The following MTUS2 variants were observed in gnomAD, a reference collection of about 807,000 sequenced individuals.
The protein encoded by MTUS2 is microtubule associated scaffold protein 2.
Under a neutral mutation model 114.1 loss-of-function variants are expected in MTUS2, and 40 were observed. That is an observed-to-expected ratio of 0.35 (90% CI 0.27 to 0.46). The LOEUF is 0.46. MTUS2 is among the 20% of genes least tolerant of loss of function. The pLI is 1.00. For synonymous variants in MTUS2, 688 were observed against 672.0 expected (o/e 1.02, Z -0.37); for missense variants, 1,679 against 1,705.4 (o/e 0.98, Z 0.27).
At chr13:28,916,055 CT>C (rs1423809315) in intron 2 of MTUS2, among the ~76,000 whole-genome samples, 12 of 151,538 alleles carry the variant, frequency 7.9e-5, no homozygotes, top group African/African-American at 1.9e-4. Context: ...TGAAAAAAAA[CT>C]TTTTTCCCCC....
chr13:28,985,560 CTTT>C lies in MTUS2; in HGVS notation c.-242-38883_-242-38881del, dbSNP rs34218047. ...TTTTAGCAATCGAAGAAATGGTATT[CTTT>C]TTTTTTTTTTTTTAAAAAGCTTTAT... On this transcript the variant is annotated intron_variant, in intron 2 of 15. Coordinates refer to ENST00000612955, the MANE Select transcript of MTUS2 (RefSeq NM_001033602.4). Among the ~76,000 whole-genome samples the C allele has an allele frequency of 7.9e-3, 1,131 of 142,414 alleles. 11 individuals carry two copies. The highest frequency in any genetic ancestry group is 0.02 in the African/African-American group (775 of 39,438). The allele number at this position is 142,414 out of a possible 152,430, so 93.4% of individuals were successfully genotyped here. A position where few individuals can be genotyped will look rare whatever the true frequency, so the allele number is the denominator to read the frequency against.
intron 6 of MTUS2, among the ~76,000 whole-genome samples, chr13:29,303,125 A>G (rs1052481862): frequency 2.6e-5 from 4 of 152,264 alleles, no homozygotes; most frequent in African/African-American, 9.6e-5. Flanking sequence ...TCAACAAAAA[A>G]GACCCCACAA....
At chr13:29,205,398 C>T (rs993856855) in intron 5 of MTUS2, among the ~76,000 whole-genome samples, 15 of 151,596 alleles carry the variant, frequency 9.9e-5, no homozygotes, top group African/African-American at 2.7e-4. Context: ...TCTCTCTTTT[C>T]GCTTTTGTTT....
intron 2 of MTUS2, among the ~76,000 whole-genome samples, chr13:28,913,542 G>A (rs912246471): frequency 2.0e-5 from 3 of 151,958 alleles, no homozygotes; most frequent in African/African-American, 7.2e-5. Context: ...TTTTTGCAGC[G>A]ATATTCATCA....
chr13:28,893,709 T>C (rs1224028187), intron 2 of MTUS2, among the ~76,000 whole-genome samples: 1 of 152,198 alleles, frequency 6.6e-6, no homozygotes, highest in African/African-American at 2.4e-5. Context: ...AGAAGCAACA[T>C]TGAGATACCC....
chr13:29,175,023 T>C (rs779594692), intron 5 of MTUS2, among the ~76,000 whole-genome samples: 5 of 152,184 alleles, frequency 3.3e-5, no homozygotes, highest in Admixed American at 6.5e-5. Context: ...AATGAATAGC[T>C]TGAATCTAAG....
At chr13:29,356,256 C>T (rs1869731908) in intron 7 of MTUS2, among the ~76,000 whole-genome samples, 1 of 152,166 alleles carries the variant, frequency 6.6e-6, no homozygotes. Flanking sequence ...TGGGTCACCA[C>T]CACACCAACA....
At chr13:29,404,232 T>C (rs1488007795) in intron 8 of MTUS2, among the ~76,000 whole-genome samples, 1 of 150,730 alleles carries the variant, frequency 6.6e-6, no homozygotes, top group Non-Finnish European at 1.5e-5. Context: ...GTGCCTGTAG[T>C]CCCAGCTACT....
chr13:28,981,609 C>T (rs1314574110), intron 2 of MTUS2, among the ~76,000 whole-genome samples: 1 of 152,168 alleles, frequency 6.6e-6, no homozygotes, highest in East Asian at 1.9e-4. Flanking sequence ...GTAGAGTTCC[C>T]AGTATTGTTT....
intron 2 of MTUS2, among the ~76,000 whole-genome samples, chr13:28,915,743 G>T (rs879925531): frequency 1.3e-5 from 2 of 151,708 alleles, no homozygotes; most frequent in Admixed American, 6.6e-5. Context: ...CTCCGATTTT[G>T]TGGGTTCTCT....
intron 8 of MTUS2, among the ~76,000 whole-genome samples, chr13:29,409,360 T>C (rs1875042066): frequency 6.6e-6 from 1 of 152,184 alleles, no homozygotes; most frequent in Non-Finnish European, 1.5e-5. Context: ...GTATAGTTAT[T>C]ATTATCTTTA....
intron 2 of MTUS2, among the ~76,000 whole-genome samples, chr13:28,890,167 A>ACTCT (rs1224956707): frequency 6.6e-6 from 1 of 152,222 alleles, no homozygotes; most frequent in Non-Finnish European, 1.5e-5. Flanking sequence ...CTCAGTGATT[A>ACTCT]CATCATAATT....
rs1364635076 is a variant in MTUS2 at position 29,496,527 on chromosome 13, G to C, written c.3580-711G>C. On this transcript the variant is annotated intron_variant, in intron 12 of 15. Coordinates refer to ENST00000612955, the MANE Select transcript of MTUS2 (RefSeq NM_001033602.4). This position sits in a 1 kb window ranked among gnomAD's most constrained non-coding sequence, Gnocchi z 4.3. The stretch of plus-strand genomic sequence containing the variant: ...GGCTGGGAGGATGCTGTGTTAGGGA[G>C]TGTGCACTGCACCTTGAGGGCAGTG... The C allele has an allele frequency of 6.5e-6, 1 of 153,050 alleles. No individual in the cohort carries two copies. The highest frequency in any genetic ancestry group is 1.5e-5 in the Non-Finnish European group (1 of 68,418). 9.5% of individuals were successfully genotyped at this position (153,050 alleles called of 1,614,324 possible). A position where few individuals can be genotyped will look rare whatever the true frequency, so the allele number is the denominator to read the frequency against.
At chr13:29,185,955 C>G (rs1270773097) in intron 5 of MTUS2, among the ~76,000 whole-genome samples, 1 of 152,066 alleles carries the variant, frequency 6.6e-6, no homozygotes, top group African/African-American at 2.4e-5. Flanking sequence ...ATCTTTAATC[C>G]CAGAACTTTG....
At chr13:28,906,273 T>C (rs925843487) in intron 2 of MTUS2, among the ~76,000 whole-genome samples, 5 of 151,400 alleles carry the variant, frequency 3.3e-5, no homozygotes, top group Non-Finnish European at 5.9e-5. Flanking sequence ...GCTCTGATTT[T>C]AGTTATTTCT....
chr13:29,116,136 C>T (rs1170504078), intron 5 of MTUS2, among the ~76,000 whole-genome samples: 1 of 152,126 alleles, frequency 6.6e-6, no homozygotes. Context: ...GCCCCATGTT[C>T]TCTATTGTGC....
At chr13:28,927,175 A>C (rs776822827) in intron 2 of MTUS2, among the ~76,000 whole-genome samples, 2 of 152,194 alleles carry the variant, frequency 1.3e-5, no homozygotes, top group Non-Finnish European at 2.9e-5. Context: ...ATAGAAACAT[A>C]ATTTATGAAT....
rs554840315 is a variant in MTUS2, at chr13:29,146,538, G to A, written c.2644+45568G>A. Among the ~76,000 whole-genome samples, 419 of 152,256 alleles carry A rather than the reference G, an allele frequency of 2.8e-3. 2 individuals are homozygous for A. The highest frequency in any genetic ancestry group is 9.6e-3 in the African/African-American group (399 of 41,558). On this transcript the variant is annotated intron_variant, in intron 5 of 15. Coordinates refer to ENST00000612955, the MANE Select transcript of MTUS2 (RefSeq NM_001033602.4). ...TCCAATTTCAGCAGCTGCCATCATT[G>A]TTTTATAGTTAATAATTTGTCATTT...
At chr13:28,876,639 G>T (rs1254232361) in intron 2 of MTUS2, among the ~76,000 whole-genome samples, 1 of 152,184 alleles carries the variant, frequency 6.6e-6, no homozygotes, top group African/African-American at 2.4e-5. Flanking sequence ...TTTGGCCTAG[G>T]TTGGGCCACA....
Sources: gnomAD v4.1 joint callset for allele counts (sites outside exome capture counted in the v4.1 genomes callset) on GRCh38, gnomAD v4.1.1 for gene constraint, Gnocchi (gnomAD v3.1) non-coding constraint, MANE v1.5 for transcripts, NCBI Gene and HGNC (gene_info 2026-07-23, HGNC 2026-07-21) for gene names.